Variants in SGCZ observed in about 807,000 individuals in gnomAD.
SGCZ encodes zeta-sarcoglycan.
Under a neutral mutation model 41.3 loss-of-function variants are expected in SGCZ, and 40 were observed. The ratio of observed to expected loss-of-function variants is 0.97; its 90% CI spans 0.75 to 1.26. The LOEUF (loss-of-function observed/expected upper bound fraction) is 1.26, where lower values mean the gene tolerates loss of function less well. Among genes scored for constraint, SGCZ ranks in the 50% most tolerant of loss-of-function variants. The pLI is 0.00. For missense variants in SGCZ, 552 were observed against 369.8 expected (o/e 1.49, Z -4.04); for synonymous variants, 206 against 137.5 (o/e 1.50, Z -3.49).
At chr8:15,053,347 C>A (rs1027771248) in intron 1 of SGCZ, among the ~76,000 whole-genome samples, 2 of 152,138 alleles carry the variant, frequency 1.3e-5, no homozygotes, top group African/African-American at 4.8e-5. Context: ...AGAATCTACA[C>A]TATTTTCATA....
At chr8:14,791,833 A>G (rs1392221222) in intron 1 of SGCZ, among the ~76,000 whole-genome samples, 1 of 152,200 alleles carries the variant, frequency 6.6e-6, no homozygotes, top group Non-Finnish European at 1.5e-5. Flanking sequence ...TTCTGTTTTA[A>G]AAATTAGGCA....
chr8:14,330,158 A>T (rs956557028), intron 2 of SGCZ, among the ~76,000 whole-genome samples: 1 of 152,100 alleles, frequency 6.6e-6, no homozygotes, highest in Non-Finnish European at 1.5e-5. Context: ...TCTGATTCTA[A>T]TTTTAGTTAA....
intron 1 of SGCZ, among the ~76,000 whole-genome samples, chr8:14,637,530 G>A (rs1469474065): frequency 1.3e-5 from 2 of 151,504 alleles, no homozygotes; most frequent in South Asian, 4.2e-4. Flanking sequence ...ATCCATACGT[G>A]CTCAGTGTTT....
intron 4 of SGCZ, among the ~76,000 whole-genome samples, chr8:14,200,444 C>A (rs1211036675): frequency 6.6e-6 from 1 of 152,004 alleles, no homozygotes; most frequent in Non-Finnish European, 1.5e-5. Context: ...TCACTCTAAC[C>A]AATTTCATGG....
intron 2 of SGCZ, among the ~76,000 whole-genome samples, chr8:14,351,579 T>TG (rs1803095688): frequency 6.6e-6 from 1 of 151,174 alleles, no homozygotes; most frequent in African/African-American, 2.4e-5. Context: ...ATATATAATG[T>TG]ATATATTATA....
intron 1 of SGCZ, among the ~76,000 whole-genome samples, chr8:15,228,915 T>A (rs2117202240): frequency 6.6e-6 from 1 of 152,260 alleles, no homozygotes; most frequent in East Asian, 1.9e-4. Flanking sequence ...AAATGCAGGC[T>A]GGGCATGGTG....
At chr8:14,677,606 A>G (rs1808317129) in intron 1 of SGCZ, among the ~76,000 whole-genome samples, 1 of 152,110 alleles carries the variant, frequency 6.6e-6, no homozygotes, top group South Asian at 2.1e-4. Flanking sequence ...CCCAGTCTCT[A>G]CTAAAAATAC....
At position 15,070,806 on chromosome 8, in the gene SGCZ, G is replaced by A. The variant is rs73522867; in HGVS notation, c.39+166779C>T. Among the ~76,000 whole-genome samples, 264 of 152,276 alleles carry A rather than the reference G, an allele frequency of 1.7e-3. 1 individual carries two copies. Among genetic ancestry groups the A allele is most frequent in the African/African-American group, 5.9e-3 (244 of 41,558 alleles). On this transcript the variant is annotated intron_variant, in intron 1 of 7. Transcript: ENST00000382080. Reference sequence around the variant, plus strand: ...AGTGTATTAGCTTCTTATTATTTATGGTTTTAGAGAACAACTTAGTAGCAT... The same window carrying A: ...AGTGTATTAGCTTCTTATTATTTATAGTTTTAGAGAACAACTTAGTAGCAT...
intron 2 of SGCZ, among the ~76,000 whole-genome samples, chr8:14,551,546 TATATA>T (rs1803846693): frequency 1.1e-4 from 1 of 9,250 alleles, no homozygotes; most frequent in South Asian, 2.2e-3. Flanking sequence ...ATATATAATA[TATATA>T]ATATATATTA....
At chr8:15,041,094 AT>A (rs1423082010) in intron 1 of SGCZ, among the ~76,000 whole-genome samples, 4 of 151,912 alleles carry the variant, frequency 2.6e-5, no homozygotes, top group South Asian at 2.1e-4. Flanking sequence ...ATATCAAACT[AT>A]TTTTTAGAGT....
intron 4 of SGCZ, among the ~76,000 whole-genome samples, chr8:14,209,389 G>C (rs1283615257): frequency 6.6e-6 from 1 of 151,820 alleles, no homozygotes; most frequent in Non-Finnish European, 1.5e-5. Context: ...CTCCTTGTGT[G>C]TGTTTTCCTG....
intron 1 of SGCZ, among the ~76,000 whole-genome samples, chr8:14,680,580 G>GA (rs1318347421): frequency 6.6e-6 from 1 of 151,748 alleles, no homozygotes; most frequent in East Asian, 1.9e-4. Context: ...TATAATTAGT[G>GA]AAAAAATACA....
intron 1 of SGCZ, among the ~76,000 whole-genome samples, chr8:14,749,429 C>T (rs980941408): frequency 2.6e-5 from 4 of 152,160 alleles, no homozygotes; most frequent in East Asian, 1.9e-4. Context: ...GATGCGTGTA[C>T]ATGCTTGGGT....
chr8:15,219,727 C>A (rs1585686820), intron 1 of SGCZ, among the ~76,000 whole-genome samples: 1 of 152,056 alleles, frequency 6.6e-6, no homozygotes, highest in Non-Finnish European at 1.5e-5. Flanking sequence ...AGATTTTGTG[C>A]CAGGCATACA....
intron 1 of SGCZ, among the ~76,000 whole-genome samples, chr8:14,964,456 G>A (rs1341564893): frequency 6.6e-6 from 1 of 152,162 alleles, no homozygotes; most frequent in African/African-American, 2.4e-5. Context: ...TGGAGCTGGT[G>A]ATGCTAACTG....
In SGCZ at chr8:15,035,581, C is replaced by T. The variant is rs573369198; in HGVS notation, c.39+202004G>A. ...AGCTAAATAAATGAAAACATAAGACCGAACAATATGCTGCCTACCAGAGAC... is the reference window on the plus strand; with the variant it reads ...AGCTAAATAAATGAAAACATAAGACTGAACAATATGCTGCCTACCAGAGAC... On this transcript the variant is annotated intron_variant, in intron 1 of 7. Transcript: ENST00000382080. Among the ~76,000 whole-genome samples the T allele has an allele frequency of 5.3e-5, 8 of 152,050 alleles. No individual in the cohort carries two copies. In the East Asian group the frequency reaches 5.8e-4, roughly 11 times the overall value.
chr8:14,465,599 T>C (rs1801026376), intron 2 of SGCZ, among the ~76,000 whole-genome samples: 1 of 151,780 alleles, frequency 6.6e-6, no homozygotes, highest in Non-Finnish European at 1.5e-5. Flanking sequence ...CTGTATCTTT[T>C]ATGTTGATTT....
intron 2 of SGCZ, among the ~76,000 whole-genome samples, chr8:14,435,763 G>A (rs1228815675): frequency 1.3e-5 from 2 of 152,174 alleles, no homozygotes; most frequent in South Asian, 2.1e-4. Flanking sequence ...TGACTAAACT[G>A]CAAATACGTG....
At chr8:14,928,222 T>A (rs1038517327) in intron 1 of SGCZ, among the ~76,000 whole-genome samples, 1 of 152,206 alleles carries the variant, frequency 6.6e-6, no homozygotes, top group Non-Finnish European at 1.5e-5. Context: ...GAATGAAGAC[T>A]GATTACATAA....
Sources: allele counts gnomAD v4.1 joint callset (sites outside exome capture counted in the v4.1 genomes callset), GRCh38; gene constraint gnomAD v4.1.1; transcripts MANE v1.5; gene names NCBI Gene and HGNC (gene_info 2026-07-23, HGNC 2026-07-21).